The following GRM1 variants were observed in gnomAD, a reference collection of about 807,000 sequenced individuals.
GRM1 encodes the protein glutamate metabotropic receptor 1, also known as metabotropic glutamate receptor 1.
In GRM1, 33 loss-of-function variants were observed where a neutral mutation model predicts 90.9. The ratio of observed to expected loss-of-function variants is 0.36; its 90% CI spans 0.28 to 0.49. GRM1 has a LOEUF of 0.49. Among genes scored for constraint, GRM1 ranks in the 20% least tolerant of loss-of-function variants. The pLI, the probability that GRM1 is intolerant of heterozygous loss-of-function variation, is 0.99. For missense variants in GRM1, 1,190 were observed against 1,534.3 expected (o/e 0.78, Z 3.75); for synonymous variants, 700 against 613.2 (o/e 1.14, Z -2.09).
intron 2 of GRM1, among the ~76,000 whole-genome samples, chr6:146,239,885 C>A (rs1780789934): frequency 6.6e-6 from 1 of 152,076 alleles, no homozygotes; most frequent in African/African-American, 2.4e-5. Context: ...GTCCAACAGT[C>A]TCCATTTGTG....
chr6:146,059,357 A>G (rs1775587211), intron 1 of GRM1, among the ~76,000 whole-genome samples: 1 of 152,108 alleles, frequency 6.6e-6, no homozygotes, highest in Non-Finnish European at 1.5e-5. Context: ...ATATTTTGAA[A>G]GGAATCTTCT....
chr6:146,392,954 G>T (rs879078875), intron 6 of GRM1, among the ~76,000 whole-genome samples: 1 of 152,118 alleles, frequency 6.6e-6, no homozygotes, highest in African/African-American at 2.4e-5. Context: ...ATTTGGGTTG[G>T]TTCCAAGTTT....
At chr6:146,332,531 A>G (rs1229415582) in intron 3 of GRM1, among the ~76,000 whole-genome samples, 2 of 152,100 alleles carry the variant, frequency 1.3e-5, no homozygotes, top group Non-Finnish European at 2.9e-5. Flanking sequence ...CAATCCTTAC[A>G]TTTGTGCCCT....
chr6:146,406,203 A>G (rs1777342028), intron 7 of GRM1, among the ~76,000 whole-genome samples: 1 of 152,202 alleles, frequency 6.6e-6, no homozygotes, highest in Non-Finnish European at 1.5e-5. Flanking sequence ...CTGTTAGCAG[A>G]GCCATCTGAC....
chr6:146,208,707 C>G (rs1779577178), intron 2 of GRM1, among the ~76,000 whole-genome samples: 1 of 152,082 alleles, frequency 6.6e-6, no homozygotes, highest in Non-Finnish European at 1.5e-5. Flanking sequence ...CACACATAAA[C>G]AGACACACAC....
intron 3 of GRM1, among the ~76,000 whole-genome samples, chr6:146,319,427 G>A (rs1583318645): frequency 1.3e-5 from 2 of 152,042 alleles, no homozygotes; most frequent in East Asian, 1.9e-4. Context: ...GTTCTTTTTG[G>A]TTAGGATTGT....
At chr6:146,134,359 A>T (rs1413310776) in intron 1 of GRM1, among the ~76,000 whole-genome samples, 2 of 152,238 alleles carry the variant, frequency 1.3e-5, no homozygotes, top group Non-Finnish European at 2.9e-5. Context: ...AAATGTTTCC[A>T]AAACAAATAA....
intron 1 of GRM1, among the ~76,000 whole-genome samples, chr6:146,155,022 C>T (rs1051528821): frequency 1.3e-5 from 2 of 152,102 alleles, no homozygotes; most frequent in African/African-American, 4.8e-5. Flanking sequence ...TAACTTTTGC[C>T]CATTTTTCCA....
chr6:146,379,182 C>T (rs1182243434), intron 5 of GRM1, among the ~76,000 whole-genome samples: 1 of 152,146 alleles, frequency 6.6e-6, no homozygotes, highest in Non-Finnish European at 1.5e-5. Flanking sequence ...ATCTCTTTCT[C>T]TACCCATCTT....
At chr6:146,059,430 GA>G (rs1397193661) in intron 1 of GRM1, among the ~76,000 whole-genome samples, 1 of 152,096 alleles carries the variant, frequency 6.6e-6, no homozygotes, top group Non-Finnish European at 1.5e-5. Flanking sequence ...GCTATAAACA[GA>G]AGTGCCGTCA....
At chr6:146,196,730 G>A (rs1779137372) in intron 2 of GRM1, among the ~76,000 whole-genome samples, 1 of 152,048 alleles carries the variant, frequency 6.6e-6, no homozygotes, top group Non-Finnish European at 1.5e-5. Flanking sequence ...TGAGATTGGG[G>A]CTCAGCCATC....
intron 6 of GRM1, among the ~76,000 whole-genome samples, chr6:146,388,371 G>A (rs1044671941): frequency 6.6e-6 from 1 of 151,940 alleles, no homozygotes; most frequent in Non-Finnish European, 1.5e-5. Flanking sequence ...ATTCTTGATG[G>A]TTGGACATTT....
At chr6:146,214,573 A>G (rs1268597161) in intron 2 of GRM1, among the ~76,000 whole-genome samples, 2 of 152,216 alleles carry the variant, frequency 1.3e-5, no homozygotes, top group African/African-American at 4.8e-5. Context: ...AAGTATCAAT[A>G]CAATAGGTCA....
At chr6:146,269,628 G>A (rs1782039540) in intron 2 of GRM1, among the ~76,000 whole-genome samples, 1 of 152,190 alleles carries the variant, frequency 6.6e-6, no homozygotes, top group South Asian at 2.1e-4. Context: ...ATTACCACCT[G>A]AGCTGGCCTC....
chr6:146,166,988 T>G (rs1006305908), intron 2 of GRM1, among the ~76,000 whole-genome samples: 1 of 152,140 alleles, frequency 6.6e-6, no homozygotes, highest in African/African-American at 2.4e-5. Context: ...CTCTACGCAG[T>G]GACATAAGCA....
intron 1 of GRM1, among the ~76,000 whole-genome samples, chr6:146,067,217 A>G (rs960758873): frequency 1.3e-5 from 2 of 152,246 alleles, no homozygotes; most frequent in African/African-American, 4.8e-5. Flanking sequence ...CTCGTCAGCA[A>G]TAAGAAAGGC....
intron 2 of GRM1, among the ~76,000 whole-genome samples, chr6:146,185,058 C>T (rs566839726): frequency 1.8e-4 from 28 of 152,230 alleles, no homozygotes; most frequent in African/African-American, 5.5e-4. Context: ...TATTTCCATG[C>T]GCACAATACA....
intron 2 of GRM1, among the ~76,000 whole-genome samples, chr6:146,226,348 G>A (rs556027610): frequency 4.3e-4 from 65 of 152,144 alleles, no homozygotes; most frequent in Non-Finnish European, 5.7e-4. Flanking sequence ...ACAATACTGT[G>A]AGAAACAAAA....
intron 5 of GRM1, among the ~76,000 whole-genome samples, chr6:146,367,499 G>A (rs1004020090): frequency 2.0e-5 from 3 of 152,064 alleles, no homozygotes; most frequent in Non-Finnish European, 4.4e-5. Flanking sequence ...TGCCACTGAG[G>A]TTTGGTGTAG....
Sources: allele counts gnomAD v4.1 joint callset (sites outside exome capture counted in the v4.1 genomes callset), GRCh38; gene constraint gnomAD v4.1.1; transcripts MANE v1.5; gene names NCBI Gene and HGNC (gene_info 2026-07-23, HGNC 2026-07-21).